TSHZ2: variants seen among roughly 807,000 people sequenced by gnomAD.
The protein encoded by TSHZ2 is teashirt homolog 2.
TSHZ2 carries 21 observed loss-of-function variants against 74.4 expected under a neutral mutation model. The observed-to-expected ratio is 0.28, with a 90% CI of 0.20 to 0.41. The LOEUF (loss-of-function observed/expected upper bound fraction) is 0.41. TSHZ2 is among the 10% of genes least tolerant of loss of function. The probability of loss-of-function intolerance (pLI) is 1.00; values close to 1 mark genes in which losing one functional copy is unlikely to be tolerated. For synonymous variants in TSHZ2, 540 were observed against 515.3 expected, an observed-to-expected ratio of 1.05 and a Z score of -0.65; for missense variants, 1,244 against 1,293.5, an observed-to-expected ratio of 0.96 and a Z score of 0.59.
At position 53,143,371 on chromosome 20, in the gene TSHZ2, G is replaced by A. The variant is rs192771044; in HGVS notation, c.41-110128G>A. Among the ~76,000 whole-genome samples the A allele has an allele frequency of 2.9e-4, 44 of 152,298 alleles. No homozygotes were observed. The South Asian group carries it at 7.5e-3, about 26-fold the overall frequency. The stretch of plus-strand genomic sequence containing the variant: ...ATTTTCTGTTGGGCCAACTCCCCAT[G>A]CCCCTGAGAAACACATTCTTCACAA... On this transcript the variant is annotated intron_variant, in intron 1 of 2. Transcript: ENST00000371497.
intron 1 of TSHZ2, among the ~76,000 whole-genome samples, chr20:52,995,776 C>A (rs1168284882): frequency 7.1e-6 from 1 of 139,920 alleles, no homozygotes; most frequent in African/African-American, 2.7e-5. Context: ...CCATACCTGG[C>A]TAATTTTTGT....
intron 1 of TSHZ2, among the ~76,000 whole-genome samples, chr20:53,117,994 A>G (rs1986715567): frequency 2.6e-5 from 4 of 152,228 alleles, no homozygotes; most frequent in African/African-American, 9.6e-5. Context: ...GGCCACATGG[A>G]GAAGTGACAG....
chr20:53,334,865 G>A (rs1464608070), intron 2 of TSHZ2, among the ~76,000 whole-genome samples: 1 of 151,990 alleles, frequency 6.6e-6, no homozygotes, highest in Non-Finnish European at 1.5e-5. Flanking sequence ...TGTATTTTTA[G>A]TAGAGACTGG....
chr20:53,338,063 CAGGG>C (rs1980027354), intron 2 of TSHZ2, among the ~76,000 whole-genome samples: 1 of 152,222 alleles, frequency 6.6e-6, no homozygotes, highest in Non-Finnish European at 1.5e-5. Context: ...ACCTGCAGAG[CAGGG>C]ACACACCATA....
rs941642581 is a variant in TSHZ2, at chr20:53,489,199, A to G, written c.*2064A>G. On this transcript the variant is annotated 3_prime_UTR_variant, in exon 3 of 3. Transcript: ENST00000371497. ...ATAGCGGCTCAAATGTAGTTCTGAC[A>G]TGAAAAGCAAGGTGCTGATATTATT... 4 of 456,138 alleles carry G rather than the reference A, an allele frequency of 8.8e-6. No homozygotes were observed. Among genetic ancestry groups the G allele is most frequent in the Non-Finnish European group, 1.8e-5 (4 of 226,954 alleles). 28.3% of individuals were successfully genotyped at this position (456,138 alleles called of 1,614,324 possible).
intron 2 of TSHZ2, among the ~76,000 whole-genome samples, chr20:53,329,442 C>T (rs989676864): frequency 6.6e-6 from 1 of 152,150 alleles, no homozygotes; most frequent in Non-Finnish European, 1.5e-5. Flanking sequence ...GATCTAGCAT[C>T]GAAAACCATT....
chr20:53,186,096 T>A (rs1016425626), intron 1 of TSHZ2, among the ~76,000 whole-genome samples: 1 of 152,226 alleles, frequency 6.6e-6, no homozygotes, highest in Admixed American at 6.5e-5. Context: ...TCACACGCTC[T>A]TATTAACTTG....
intron 2 of TSHZ2, among the ~76,000 whole-genome samples, chr20:53,370,784 G>A (rs116411677): frequency 4.7e-4 from 72 of 152,256 alleles, no homozygotes; most frequent in African/African-American, 1.6e-3. Context: ...ACAAAACCAC[G>A]TGAGCCCATA....
chr20:53,481,674 A>G (rs554339784), intron 2 of TSHZ2, among the ~76,000 whole-genome samples: 2 of 152,294 alleles, frequency 1.3e-5, no homozygotes, highest in East Asian at 1.9e-4. Flanking sequence ...TTCTTCAAGT[A>G]TAGGAACACT....
At chr20:53,129,518 T>C (rs1455017328) in intron 1 of TSHZ2, among the ~76,000 whole-genome samples, 1 of 152,244 alleles carries the variant, frequency 6.6e-6, no homozygotes, top group Admixed American at 6.5e-5. Flanking sequence ...TTTATAGCTA[T>C]AATATATCAA....
chr20:52,992,366 T>G (rs1330293721), intron 1 of TSHZ2, among the ~76,000 whole-genome samples: 1 of 152,198 alleles, frequency 6.6e-6, no homozygotes, highest in Non-Finnish European at 1.5e-5. Context: ...TCTTAGTAAA[T>G]GTCATATAGA....
intron 1 of TSHZ2, among the ~76,000 whole-genome samples, chr20:53,238,868 C>T (rs958451282): frequency 8.9e-5 from 13 of 145,388 alleles, no homozygotes; most frequent in Admixed American, 4.1e-4. Context: ...AAAAGAGCTA[C>T]GCTACCTACT....
At chr20:53,091,720 C>G (rs1281635747) in intron 1 of TSHZ2, among the ~76,000 whole-genome samples, 1 of 152,116 alleles carries the variant, frequency 6.6e-6, no homozygotes, top group East Asian at 1.9e-4. Flanking sequence ...TTATAGTGTA[C>G]TTCAGAAATT....
At chr20:53,445,878 C>T (rs185288455) in intron 2 of TSHZ2, among the ~76,000 whole-genome samples, 39 of 152,322 alleles carry the variant, frequency 2.6e-4, no homozygotes, top group African/African-American at 9.1e-4. Flanking sequence ...CTACTTGGAA[C>T]ACGTGCCTTG....
chr20:53,096,162 G>A (rs1372921229), intron 1 of TSHZ2, among the ~76,000 whole-genome samples: 3 of 152,140 alleles, frequency 2.0e-5, no homozygotes, highest in Non-Finnish European at 4.4e-5. Flanking sequence ...TGTTTTTAGA[G>A]ACAGAGTCTC....
chr20:53,040,597 C>T (rs1374887684), intron 1 of TSHZ2, among the ~76,000 whole-genome samples: 2 of 151,904 alleles, frequency 1.3e-5, no homozygotes, highest in African/African-American at 4.8e-5. Context: ...TGTCCCTGGC[C>T]ACGTGTTCTT....
At chr20:53,167,819 C>A (rs1173507015) in intron 1 of TSHZ2, among the ~76,000 whole-genome samples, 2 of 152,248 alleles carry the variant, frequency 1.3e-5, no homozygotes, top group East Asian at 3.9e-4. Context: ...CCCGTAGAGT[C>A]ATGTGAAGTT....
At chr20:53,310,871 T>A (rs944248318) in intron 2 of TSHZ2, among the ~76,000 whole-genome samples, 3 of 152,094 alleles carry the variant, frequency 2.0e-5, no homozygotes, top group African/African-American at 7.2e-5. Flanking sequence ...AAAAGCAAGT[T>A]ACAAGTCCCA....
intron 2 of TSHZ2, among the ~76,000 whole-genome samples, chr20:53,294,626 A>C (rs942795265): frequency 2.6e-5 from 4 of 152,150 alleles, no homozygotes; most frequent in Non-Finnish European, 5.9e-5. Flanking sequence ...GGTTCTCCTC[A>C]GCTCCTGATA....
Sources: gnomAD v4.1 joint callset for allele counts (sites outside exome capture counted in the v4.1 genomes callset) on GRCh38, gnomAD v4.1.1 for gene constraint, MANE v1.5 for transcripts, NCBI Gene and HGNC (gene_info 2026-07-23, HGNC 2026-07-21) for gene names.